Variants in LRP2BP observed in about 807,000 individuals in gnomAD.
LRP2BP encodes LRP2-binding protein.
In LRP2BP, 38 loss-of-function variants were observed where a neutral mutation model predicts 45.2. The observed-to-expected ratio is 0.84, with a 90% CI of 0.65 to 1.10. The LOEUF (loss-of-function observed/expected upper bound fraction) is 1.10, where lower values mean the gene tolerates loss of function less well. Ranked by LOEUF, LRP2BP falls within the 50% of genes least tolerant of loss-of-function variation. The pLI, the probability that LRP2BP is intolerant of heterozygous loss-of-function variation, is 0.00. For synonymous variants in LRP2BP, 153 were observed against 153.9 expected (o/e 0.99, Z 0.04); for missense variants, 385 against 418.9 (o/e 0.92, Z 0.71).
At chr4:185,377,607 G>A in intron 2 of LRP2BP, 1 of 167,988 alleles carries the variant, frequency 6.0e-6, no homozygotes, top group African/African-American at 2.4e-5. Context: ...ACAGTGCAGG[G>A]CTGGGTATAA....
chr4:185,371,555 A>G (rs1458720813), intron 7 of LRP2BP, among the ~76,000 whole-genome samples: 2 of 151,708 alleles, frequency 1.3e-5, no homozygotes, highest in Non-Finnish European at 2.9e-5. Context: ...AAAAAAAAAA[A>G]AAAAAAAAGG....
chr4:185,368,172 C>T (rs548722368), intron 8 of LRP2BP, among the ~76,000 whole-genome samples: 8 of 152,002 alleles, frequency 5.3e-5, no homozygotes, highest in Non-Finnish European at 7.4e-5. Context: ...AGCCAGACTC[C>T]GTCTCAAAAA....
intron 3 of LRP2BP, 109 bp downstream of exon 3, chr4:185,376,800 G>T: frequency 1.4e-6 from 1 of 716,052 alleles, no homozygotes; most frequent in Non-Finnish European, 2.4e-6. Context: ...GATGTAATTG[G>T]ACAGAATTTC....
In LRP2BP at chr4:185,366,814, A is replaced by G. The variant is rs1449201597; in HGVS notation, c.*366T>C. 1.3e-5 allele frequency: 2 copies of G among 157,720 alleles called. No individual in the cohort carries two copies. The highest frequency in any genetic ancestry group is 2.8e-5 in the Non-Finnish European group (2 of 71,860). 9.8% of individuals were successfully genotyped at this position (157,720 alleles called of 1,614,324 possible). A position where few individuals can be genotyped will look rare whatever the true frequency, so the allele number is the denominator to read the frequency against. On this transcript the variant is annotated 3_prime_UTR_variant, in exon 9 of 9. Transcript: ENST00000505916. ...AAACTTTCAAATGATGGTTTTAAAT[A>G]AGTTTGTTTCTACTTCTGAACTTAC... is the stretch of plus-strand genomic sequence containing the variant.
rs1479445675 is a variant in LRP2BP, at chr4:185,366,039, G to C, written c.*1141C>G. On this transcript the variant is annotated 3_prime_UTR_variant, in exon 9 of 9. Transcript: ENST00000505916. ...GAAATCTTGTTTAAATCCACTGTTG[G>C]GATGGTTGTGATTTATAAAATAAAG... is the stretch of plus-strand genomic sequence containing the variant. The C allele has an allele frequency of 6.6e-6, 1 of 152,078 alleles. No homozygotes were observed. The highest frequency in any genetic ancestry group is 1.5e-5 in the Non-Finnish European group (1 of 67,994). The allele number at this position is 152,078 out of a possible 1,614,324, so 9.4% of individuals were successfully genotyped here.
intron 1 of LRP2BP, among the ~76,000 whole-genome samples, chr4:185,384,266 C>T (rs1281595056): frequency 1.3e-5 from 2 of 152,156 alleles, no homozygotes; most frequent in African/African-American, 4.8e-5. Context: ...AAGCTCTCAC[C>T]AGACACTGAA....
upstream of LRP2BP, chr4:185,397,228 C>T (rs1374314932): frequency 1.2e-6 from 2 of 1,614,156 alleles, no homozygotes; most frequent in South Asian, 1.1e-5. Context: ...GTCGCCTGTC[C>T]ACTTAGCCGC....
At chr4:185,394,264 T>TAAAAA (rs56883920) in intron 1 of LRP2BP, among the ~76,000 whole-genome samples, 1 of 121,428 alleles carries the variant, frequency 8.2e-6, no homozygotes, top group Non-Finnish European at 1.7e-5. Flanking sequence ...GTTTCAGAGT[T>TAAAAA]AAAAAAAAAA....
chr4:185,370,831 T>A lies in LRP2BP; in HGVS notation c.804-17A>T. 1 of 1,613,064 alleles carries A rather than the reference T, an allele frequency of 6.2e-7. No individual in the cohort carries two copies. The highest frequency in any genetic ancestry group is 8.5e-7 in the Non-Finnish European group (1 of 1,179,352). The stretch of plus-strand genomic sequence containing the variant: ...TCAGCGATCCTGAGAGGATGTAGAG[T>A]TGTGAAATGGAAAAGACATCAGTTA... On this transcript the variant is annotated splice_polypyrimidine_tract_variant and intron_variant, in intron 7 of 8. Transcript: ENST00000505916.
At chr4:185,397,012 C>T (rs2095505290), upstream of LRP2BP, 6 of 1,611,066 alleles carry the variant, frequency 3.7e-6, no homozygotes, top group East Asian at 6.7e-5. Flanking sequence ...CTAGATTCGT[C>T]TTCTCGTTAA....
upstream of LRP2BP, chr4:185,396,239 G>C (rs1379832335): frequency 6.6e-6 from 1 of 152,398 alleles, no homozygotes; most frequent in East Asian, 1.9e-4. Context: ...TCACCTCCCG[G>C]GTTGGGAGGC....
rs1371812945 is a variant in LRP2BP at position 185,370,783 on chromosome 4, G to T, written c.835C>A (p.Pro279Thr). The T allele has an allele frequency of 4.3e-6, 7 of 1,614,058 alleles. No individual in the cohort carries two copies. The highest frequency in any genetic ancestry group is 5.9e-6 in the Non-Finnish European group (7 of 1,179,994). Residue 279 changes from proline (P) to threonine (T), a missense_variant, in exon 8 of 9, where the codon CCC becomes ACC. By Grantham distance (38) the Pro-to-Thr change is conservative (BLOSUM62 -1). Transcript: ENST00000505916. Reference protein sequence around the residue: ...IADYDEVHDIPMIAQVTDCLP... With the variant: ...IADYDEVHDITMIAQVTDCLP... ...CAGTCTGTGACCTGGGCGATCATGG[G>T]GATGTCGTGAACCTCATCATAGTCA...
In LRP2BP at chr4:185,395,048, G is replaced by A; in HGVS notation, c.-291C>T. The A allele has an allele frequency of 1.0e-6, 1 of 985,126 alleles. No individual in the cohort carries two copies. The highest frequency in any genetic ancestry group is 4.7e-5 in the South Asian group (1 of 21,262). The allele number at this position is 985,126 out of a possible 1,614,324, so 61.0% of individuals were successfully genotyped here. ...GCTTTGTTCAGTTTATAGTTTCTAG[G>A]CCCATTACTAAAGTCAAGTCAGATA... On this transcript the variant is annotated 5_prime_UTR_variant, in exon 1 of 9. Coordinates refer to ENST00000505916, the MANE Select transcript of LRP2BP (RefSeq NM_001377440.1).
chr4:185,369,708 A>C (rs1311857206), intron 8 of LRP2BP: 1 of 430,150 alleles, frequency 2.3e-6, no homozygotes, highest in Non-Finnish European at 4.6e-6. Context: ...ATTTTAAAGT[A>C]ATTTAGGGTT....
intron 7 of LRP2BP, 109 bp from the exon 8 acceptor site, chr4:185,370,923 G>T: frequency 8.3e-7 from 1 of 1,197,738 alleles, no homozygotes; most frequent in Non-Finnish European, 1.2e-6. Flanking sequence ...TCTCTCTACT[G>T]CTTTGAGAAC....
chr4:185,396,764 G>T, upstream of LRP2BP: 2 of 745,426 alleles, frequency 2.7e-6, no homozygotes, highest in South Asian at 3.2e-5. Flanking sequence ...GGGCGTAACC[G>T]GAGCTGGGGC....
chr4:185,396,272 G>A (rs530703088), upstream of LRP2BP: 5 of 152,388 alleles, frequency 3.3e-5, no homozygotes, highest in South Asian at 2.1e-4. Flanking sequence ...GCGAGGTAAA[G>A]GAACTTGCGT....
At chr4:185,373,986 T>G in intron 6 of LRP2BP, 149 bp downstream of exon 6, 1 of 671,188 alleles carries the variant, frequency 1.5e-6, no homozygotes, top group Non-Finnish European at 2.5e-6. Flanking sequence ...ATAAAAGGGC[T>G]TTGAGATCCT....
chr4:185,369,581 TGTTA>T (rs2095407895), intron 8 of LRP2BP, among the ~76,000 whole-genome samples: 1 of 152,186 alleles, frequency 6.6e-6, no homozygotes. Context: ...GTTAGACAAC[TGTTA>T]TTCATGCTAA....
Sources: allele counts gnomAD v4.1 joint callset (sites outside exome capture counted in the v4.1 genomes callset), GRCh38; gene constraint gnomAD v4.1.1; transcripts MANE v1.5; gene names NCBI Gene and HGNC (gene_info 2026-07-23, HGNC 2026-07-21).